Variants in ILKAP observed in about 807,000 individuals in gnomAD.
ILKAP encodes the protein ILK associated serine/threonine phosphatase.
In ILKAP, 11 loss-of-function variants were observed where a neutral mutation model predicts 49.1. That is an observed-to-expected ratio of 0.22 (90% CI 0.14 to 0.37). ILKAP has a LOEUF of 0.37. ILKAP is among the 10% of genes least tolerant of loss of function. The pLI is 1.00. For synonymous variants in ILKAP, 186 were observed against 192.8 expected (o/e 0.96, Z 0.29); for missense variants, 363 against 510.8 (o/e 0.71, Z 2.79).
chr2:238,185,557 G>A lies in ILKAP; in HGVS notation c.426-270C>T, dbSNP rs1206625018. On this transcript the variant is annotated intron_variant, in intron 5 of 11. Coordinates refer to ENST00000254654, the MANE Select transcript of ILKAP (RefSeq NM_030768.3). Reference sequence around the variant, plus strand: ...GGTGGCTCATGCCTGTAATCCCAGCGCTTTGGGAGGCCGAGGCAGGCGGAT... The same window carrying A: ...GGTGGCTCATGCCTGTAATCCCAGCACTTTGGGAGGCCGAGGCAGGCGGAT... 1.7e-5 allele frequency: 5 copies of A among 302,274 alleles called. No individual in the cohort carries two copies. The East Asian group carries it at 2.2e-4, about 13-fold the overall frequency. The allele number at this position is 302,274 out of a possible 1,614,324, so 18.7% of individuals were successfully genotyped here.
intron 3 of ILKAP, among the ~76,000 whole-genome samples, chr2:238,190,307 A>T (rs572386157): frequency 2.0e-5 from 3 of 152,354 alleles, no homozygotes; most frequent in African/African-American, 4.8e-5. Context: ...AGTGTTAAAC[A>T]AACACTTACA....
In ILKAP at chr2:238,188,160, G is replaced by A. The variant is rs148464553; in HGVS notation, c.396C>T (p.Thr132=). 171 of 1,613,964 alleles carry A rather than the reference G, an allele frequency of 1.1e-4. No homozygotes were observed. The highest frequency in any genetic ancestry group is 1.4e-4 in the Non-Finnish European group (160 of 1,180,040). ...GGGACGATGGGGGCCTACACTCCTC[G>A]GTGATGTCGTTCAGGATGACGTGGG... The part of the protein sequence containing the change: ...QDAHVILNDI[T]EECRPPSSLI... The change falls in exon 5 of 12, where the codon ACC becomes ACT. Residue 132 remains threonine, a synonymous_variant. Coordinates refer to ENST00000254654, the MANE Select transcript of ILKAP (RefSeq NM_030768.3).
intron 1 of ILKAP, among the ~76,000 whole-genome samples, chr2:238,202,659 TACA>T (rs1200024223): frequency 6.6e-6 from 1 of 152,082 alleles, no homozygotes; most frequent in Admixed American, 6.5e-5. Context: ...GGCCCTAAAC[TACA>T]ACATCAAGCT....
intron 1 of ILKAP, among the ~76,000 whole-genome samples, 153 bp downstream of exon 1, chr2:238,203,346 G>C (rs1574816195): frequency 6.6e-6 from 1 of 150,420 alleles, no homozygotes; most frequent in East Asian, 1.9e-4. Context: ...CAGTGGGCCG[G>C]ACGGGGCCTG....
At chr2:238,173,864 T>C (rs1693334249) in intron 9 of ILKAP, 1 of 596,614 alleles carries the variant, frequency 1.7e-6, no homozygotes, top group Non-Finnish European at 2.9e-6. Context: ...CCTGCCCAGC[T>C]GCACATGGGT....
chr2:238,174,888 ATGACCAGG>A (rs1276475125), intron 9 of ILKAP, among the ~76,000 whole-genome samples: 1 of 152,190 alleles, frequency 6.6e-6, no homozygotes, highest in Non-Finnish European at 1.5e-5. Flanking sequence ...TACCTCTCCC[ATGACCAGG>A]TGACTGGGTG....
chr2:238,170,422 C>G lies in ILKAP; in HGVS notation c.*114G>C, dbSNP rs543978864. The G allele has an allele frequency of 2.3e-5, 28 of 1,196,034 alleles. No homozygotes were observed. The highest frequency in any genetic ancestry group is 5.8e-4 in the Middle Eastern group (2 of 3,430). 74.1% of individuals were successfully genotyped at this position (1,196,034 alleles called of 1,614,324 possible). On this transcript the variant is annotated 3_prime_UTR_variant, in exon 12 of 12. Transcript: ENST00000254654. Reference sequence around the variant, plus strand: ...AAGACTAGGAAAAAAAAAGAGAAACCTTTATTTACAACCATGGGAGTCCCA... The same window carrying G: ...AAGACTAGGAAAAAAAAAGAGAAACGTTTATTTACAACCATGGGAGTCCCA...
Position 238,203,689 on chromosome 2 carries a change from G to A in ILKAP, c.-136C>T, listed in dbSNP as rs1468490629. 3 of 318,814 alleles carry A rather than the reference G, an allele frequency of 9.4e-6. No individual in the cohort carries two copies. The highest frequency in any genetic ancestry group is 6.8e-5 in the African/African-American group (3 of 44,374). 19.7% of individuals were successfully genotyped at this position (318,814 alleles called of 1,614,324 possible). ...GGCCGGCGCCGTCAGTCACCTGCAGGGAGAGTCCCGGACGCCACCAATCGG... is the reference window on the plus strand; with the variant it reads ...GGCCGGCGCCGTCAGTCACCTGCAGAGAGAGTCCCGGACGCCACCAATCGG... On this transcript the variant is annotated 5_prime_UTR_variant, in exon 1 of 12. Coordinates refer to ENST00000254654, the MANE Select transcript of ILKAP (RefSeq NM_030768.3).
At chr2:238,202,000 G>A (rs991188679) in intron 1 of ILKAP, among the ~76,000 whole-genome samples, 1 of 152,090 alleles carries the variant, frequency 6.6e-6, no homozygotes, top group Admixed American at 6.5e-5. Flanking sequence ...CGAGGCGGGC[G>A]GATCACCTGA....
At chr2:238,197,771 C>T (rs1694406167) in intron 1 of ILKAP, among the ~76,000 whole-genome samples, 1 of 152,146 alleles carries the variant, frequency 6.6e-6, no homozygotes, top group Non-Finnish European at 1.5e-5. Context: ...TGAGACCATC[C>T]TACATTTTGC....
At chr2:238,189,609 T>G in intron 4 of ILKAP, 1 of 288,968 alleles carries the variant, frequency 3.5e-6, no homozygotes, top group Non-Finnish European at 6.4e-6. Flanking sequence ...ACCTGTATTT[T>G]TTAACTCTTG....
chr2:238,172,944 G>A (rs1693290971), intron 10 of ILKAP, among the ~76,000 whole-genome samples: 1 of 152,174 alleles, frequency 6.6e-6, no homozygotes, highest in African/African-American at 2.4e-5. Context: ...ATCACCTGTT[G>A]AGGCCCTGCC....
chr2:238,190,248 G>T (rs553902950), intron 3 of ILKAP, among the ~76,000 whole-genome samples: 7 of 151,924 alleles, frequency 4.6e-5, no homozygotes, highest in East Asian at 1.9e-4. Context: ...AAAATACATG[G>T]TTTTTTTTGG....
intron 9 of ILKAP, among the ~76,000 whole-genome samples, chr2:238,179,732 T>C (rs1024463703): frequency 2.0e-5 from 3 of 152,158 alleles, no homozygotes; most frequent in African/African-American, 4.8e-5. Flanking sequence ...CCATAAAACA[T>C]TGCTAAAAAC....
chr2:238,201,180 T>TG (rs1373293016), intron 1 of ILKAP, among the ~76,000 whole-genome samples: 1,071 of 60,774 alleles, frequency 0.018, 9 homozygotes, highest in African/African-American at 0.049. Flanking sequence ...ATTCAAAGTA[T>TG]GTTTTTTTTT....
At position 238,194,896 on chromosome 2, in the gene ILKAP, G is replaced by A. The variant is rs1401188181; in HGVS notation, c.56-26C>T. 5.1e-6 allele frequency: 8 copies of A among 1,555,786 alleles called. No homozygotes were observed. The Admixed American group carries it at 8.3e-5, about 16-fold the overall frequency. Reference sequence around the variant, plus strand: ...CTAAAACACAGAAAACCTGTTTAGAGAGCATATGGTCATCACCCAGGACAG... The same window carrying A: ...CTAAAACACAGAAAACCTGTTTAGAAAGCATATGGTCATCACCCAGGACAG... On this transcript the variant is annotated intron_variant, in intron 1 of 11. Transcript: ENST00000254654.
chr2:238,198,140 A>G (rs536163948), intron 1 of ILKAP, among the ~76,000 whole-genome samples: 14 of 152,346 alleles, frequency 9.2e-5, no homozygotes, highest in South Asian at 2.1e-4. Flanking sequence ...TTGCATCATC[A>G]AAAGAATCTA....
At chr2:238,180,222 G>A (rs978793271) in intron 9 of ILKAP, among the ~76,000 whole-genome samples, 5 of 152,126 alleles carry the variant, frequency 3.3e-5, no homozygotes, top group East Asian at 3.9e-4. Context: ...CCAAGTCCAC[G>A]GCAGACATGG....
intron 7 of ILKAP, 63 bp from the exon 8 acceptor site, chr2:238,183,803 C>T: frequency 8.0e-7 from 1 of 1,253,044 alleles, no homozygotes; most frequent in East Asian, 2.3e-5. Context: ...AGACTAATTT[C>T]CAGAGCTCAA....
Sources: gnomAD v4.1 joint callset for allele counts (sites outside exome capture counted in the v4.1 genomes callset) on GRCh38, gnomAD v4.1.1 for gene constraint, MANE v1.5 for transcripts, NCBI Gene and HGNC (gene_info 2026-07-23, HGNC 2026-07-21) for gene names.